Variants in SPTBN1 observed in about 807,000 individuals in gnomAD.
The protein encoded by SPTBN1 is spectrin beta, non-erythrocytic 1, also known as spectrin beta chain, non-erythrocytic 1.
In SPTBN1, 32 loss-of-function variants were observed where a neutral mutation model predicts 266.4. That is an observed-to-expected ratio of 0.12 (90% confidence interval 0.09 to 0.16). SPTBN1 has a LOEUF of 0.16. SPTBN1 is among the 10% of genes least tolerant of loss of function. The pLI, the probability that SPTBN1 is intolerant of heterozygous loss-of-function variation, is 1.00. For missense variants in SPTBN1, 2,296 were observed against 3,067.1 expected (o/e 0.75, Z 5.94); for synonymous variants, 1,336 against 1,162.2 (o/e 1.15, Z -3.04).
At chr2:54,588,794 A>C (rs1035668051) in intron 2 of SPTBN1, among the ~76,000 whole-genome samples, 10 of 152,290 alleles carry the variant, frequency 6.6e-5, no homozygotes, top group African/African-American at 2.4e-4. Context: ...GAAGCATGCT[A>C]CCCATTTTTA....
rs145381739 is a variant in SPTBN1 at position 54,661,690 on chromosome 2, TAC to T, written c.6420+1693_6420+1694del. 2.3e-3 allele frequency: 2,269 copies of T among 985,840 alleles called. 32 individuals are homozygous for T. The African/African-American group carries it at 0.031, about 14-fold the overall frequency. 61.1% of individuals were successfully genotyped at this position (985,840 alleles called of 1,614,324 possible). Reference sequence around the variant, plus strand: ...CTAATGTGTGTTTGTGGCTCCAAGTTACATTTTGTGTTTCATTGATCTATATG... The same window carrying T: ...CTAATGTGTGTTTGTGGCTCCAAGTTATTTTGTGTTTCATTGATCTATATG... On this transcript the variant is annotated intron_variant, in intron 32 of 35. Coordinates refer to ENST00000356805, the MANE Select transcript of SPTBN1 (RefSeq NM_003128.3).
chr2:54,647,371 A>G (rs1679992048), intron 24 of SPTBN1, 110 bp downstream of exon 24: 2 of 1,455,724 alleles, frequency 1.4e-6, no homozygotes, highest in Non-Finnish European at 1.8e-6. Flanking sequence ...ACTTGCTGGT[A>G]AGGCAAATCT....
At chr2:54,599,062 A>C (rs371816771) in intron 2 of SPTBN1, 30 bp from the exon 3 acceptor site, 1 of 1,610,964 alleles carries the variant, frequency 6.2e-7, no homozygotes, top group South Asian at 1.1e-5. Flanking sequence ...TCTGTGGTCA[A>C]TGGTAAAACA....
chr2:54,645,325 G>A lies in SPTBN1; in HGVS notation c.4366G>A (p.Val1456Ile). Residue 1456 changes from valine to isoleucine, a missense_variant, in exon 21 of 36, where the codon GTA becomes ATA. Coordinates refer to ENST00000356805, the MANE Select transcript of SPTBN1 (RefSeq NM_003128.3). The surrounding 1 kb of genome is among the most constrained non-coding windows in gnomAD (Gnocchi z 4.3). ...TCAGGAAGGGAAGAGCACCGACGAG[G>A]TAGACAGCAAGCGCCTCACCGTGCA... Reference protein sequence around the residue: ...LSQEGKSTDEVDSKRLTVQTK... With the variant: ...LSQEGKSTDEIDSKRLTVQTK... The A allele has an allele frequency of 6.2e-7, 1 of 1,614,210 alleles. No homozygotes were observed. The highest frequency in any genetic ancestry group is 1.3e-5 in the African/African-American group (1 of 75,036).
At chr2:54,535,588 T>G (rs1459520471) in intron 2 of SPTBN1, among the ~76,000 whole-genome samples, 1 of 152,222 alleles carries the variant, frequency 6.6e-6, no homozygotes, top group African/African-American at 2.4e-5. Context: ...CTTATTTCTG[T>G]CTCTGCTCTC....
chr2:54,578,769 T>TGC (rs1197570630), intron 2 of SPTBN1, among the ~76,000 whole-genome samples: 1 of 151,814 alleles, frequency 6.6e-6, no homozygotes, highest in Admixed American at 6.6e-5. Context: ...TGTGTGTGTG[T>TGC]GTGTGTGTGA....
chr2:54,488,444 CTTTTTA>C (rs1391736639), intron 1 of SPTBN1, among the ~76,000 whole-genome samples: 2 of 152,120 alleles, frequency 1.3e-5, no homozygotes, highest in African/African-American at 4.8e-5. Context: ...AAATCCTCTT[CTTTTTA>C]TTTTTTATTT....
Position 54,629,525 on chromosome 2 carries a change from G to A in SPTBN1, c.2391G>A (p.Arg797=), listed in dbSNP as rs1441194789. ...KDVAEEIANY[R]PTLDTLHEQA... ...TGGCGGAAGAGATCGCCAATTACAGGCCCACCCTTGACACGCTGCACGAAC... is the reference window on the plus strand; with the variant it reads ...TGGCGGAAGAGATCGCCAATTACAGACCCACCCTTGACACGCTGCACGAAC... The change falls in exon 14 of 36, where the codon AGG becomes AGA. Residue 797 remains arginine (R), a synonymous_variant. Transcript: ENST00000356805. The A allele has an allele frequency of 1.2e-6, 2 of 1,614,108 alleles. No homozygotes were observed. The highest frequency in any genetic ancestry group is 1.7e-6 in the Non-Finnish European group (2 of 1,180,036).
chr2:54,544,181 C>T (rs1672104023), intron 2 of SPTBN1, among the ~76,000 whole-genome samples: 1 of 152,120 alleles, frequency 6.6e-6, no homozygotes, highest in Non-Finnish European at 1.5e-5. Flanking sequence ...TTGTTGTTTA[C>T]CCCAGCTTGC....
intron 2 of SPTBN1, chr2:54,529,678 G>T: frequency 1.4e-6 from 1 of 720,732 alleles, no homozygotes; most frequent in Non-Finnish European, 2.5e-6. Context: ...AGATCAAACA[G>T]GCTGTGAAGA....
rs1678315963 is a variant in SPTBN1, at chr2:54,626,223, G to A, written c.1633G>A (p.Asp545Asn). The A allele has an allele frequency of 1.9e-6, 3 of 1,613,292 alleles. No individual in the cohort carries two copies. The highest frequency in any genetic ancestry group is 2.5e-6 in the Non-Finnish European group (3 of 1,179,268). Residue 545 changes from aspartate to asparagine, a missense_variant, in exon 12 of 36, where the codon GAT becomes AAT. Coordinates refer to ENST00000356805, the MANE Select transcript of SPTBN1 (RefSeq NM_003128.3). This position sits in a 1 kb window ranked among gnomAD's most constrained non-coding sequence, Gnocchi z 4.7. ...AATGCTCTACATTATGGACTGGATG[G>A]ATGAAATGAAGGTAAAACCTGACCG... Reference protein sequence around the residue: ...QEMLYIMDWMDEMKVLVLSQD... With the variant: ...QEMLYIMDWMNEMKVLVLSQD...
At chr2:54,548,105 T>C (rs532017587) in intron 2 of SPTBN1, among the ~76,000 whole-genome samples, 8 of 152,332 alleles carry the variant, frequency 5.3e-5, no homozygotes, top group African/African-American at 1.7e-4. Flanking sequence ...ATCATGCCAC[T>C]GCACTCCAGC....
Position 54,646,469 on chromosome 2 carries a change from G to C in SPTBN1, c.4860G>C (p.Lys1620Asn). The C allele has an allele frequency of 6.6e-7, 1 of 1,520,800 alleles. No individual in the cohort carries two copies. Among genetic ancestry groups the C allele is most frequent in the Admixed American group, 2.2e-5 (1 of 45,040 alleles). 94.2% of individuals were successfully genotyped at this position (1,520,800 alleles called of 1,614,324 possible). Residue 1620 changes from lysine (K) to asparagine (N), a missense_variant, in exon 23 of 36, where the codon AAG (lysine) becomes AAC (asparagine). Lys to Asn is a moderately conservative substitution (Grantham distance 94). Coordinates refer to ENST00000356805, the MANE Select transcript of SPTBN1 (RefSeq NM_003128.3). This position sits in a 1 kb window ranked among gnomAD's most constrained non-coding sequence, Gnocchi z 4.4. ...EQELYMMSEE[K>N]AKDEQSAVSM... Reference sequence around the variant, plus strand: ...AGCTGTACATGATGTCAGAGGAGAAGGCCAAGGTGAGAGGAGGCGGGAAGC... The same window carrying C: ...AGCTGTACATGATGTCAGAGGAGAACGCCAAGGTGAGAGGAGGCGGGAAGC...
chr2:54,575,992 A>G (rs1674435811), intron 2 of SPTBN1, among the ~76,000 whole-genome samples: 2 of 147,352 alleles, frequency 1.4e-5, no homozygotes, highest in Admixed American at 6.8e-5. Context: ...GGTAGCAGGG[A>G]TAGGGAGAGA....
At chr2:54,632,534 TCTG>T (rs1678821050) in intron 16 of SPTBN1, 29 bp from the exon 17 acceptor site, 5 of 1,605,814 alleles carry the variant, frequency 3.1e-6, no homozygotes, top group Non-Finnish European at 4.3e-6. Flanking sequence ...CCTTCATTGA[TCTG>T]CTATGATTTG....
chr2:54,487,832 C>CTCTTTTTTTTTTTTTCTTTTTTTTTTTT (rs1426296541), intron 1 of SPTBN1, among the ~76,000 whole-genome samples: 1 of 68,644 alleles, frequency 1.5e-5, no homozygotes, highest in African/African-American at 5.5e-5. Flanking sequence ...CCTCCTGTGT[C>CTCTTTTTTTTTTTTTCTTTTTTTTTTTT]TTTTTTTTTT....
At chr2:54,572,494 T>G (rs1674159200) in intron 2 of SPTBN1, among the ~76,000 whole-genome samples, 1 of 152,138 alleles carries the variant, frequency 6.6e-6, no homozygotes, top group Non-Finnish European at 1.5e-5. Context: ...TAAATCACAC[T>G]CTGAGCAAAT....
rs146402278 is a variant in SPTBN1, at chr2:54,480,378, G to A, written c.-48+23860G>A. Among the ~76,000 whole-genome samples the A allele has an allele frequency of 8.8e-4, 134 of 152,302 alleles. 1 individual carries two copies. In the East Asian group the frequency reaches 0.025, roughly 28 times the overall value. On this transcript the variant is annotated intron_variant, in intron 1 of 35. Coordinates refer to ENST00000356805, the MANE Select transcript of SPTBN1 (RefSeq NM_003128.3). ...AGGAAAAACAAAATCAAACAAAAAA[G>A]AAGCCAGAATGCCTGGTTAAATTTT...
intron 17 of SPTBN1, 86 bp from the exon 18 acceptor site, chr2:54,637,627 A>G: frequency 9.3e-7 from 1 of 1,080,116 alleles, no homozygotes; most frequent in Non-Finnish European, 1.4e-6. Flanking sequence ...ATAGTTAGGA[A>G]TTCAGGAAAT....
Sources: allele counts gnomAD v4.1 joint callset (sites outside exome capture counted in the v4.1 genomes callset), GRCh38; gene constraint gnomAD v4.1.1; non-coding constraint Gnocchi (gnomAD v3.1); transcripts MANE v1.5; gene names NCBI Gene and HGNC (gene_info 2026-07-23, HGNC 2026-07-21).